SEMA4D: variants seen among roughly 807,000 people sequenced by gnomAD.
The protein encoded by SEMA4D is semaphorin-4D.
SEMA4D carries 22 observed loss-of-function variants against 74.8 expected under a neutral mutation model. The observed-to-expected ratio is 0.29, with a 90% CI of 0.21 to 0.42. SEMA4D has a LOEUF of 0.42. Ranked by LOEUF, SEMA4D falls within the 10% of genes least tolerant of loss-of-function variation. The pLI is 1.00. For synonymous variants in SEMA4D, 445 were observed against 463.7 expected (o/e 0.96, Z 0.52); for missense variants, 937 against 1,118.4 (o/e 0.84, Z 2.31).
At chr9:89,494,423 G>A (rs779041629) in intron 1 of SEMA4D, among the ~76,000 whole-genome samples, 1 of 152,170 alleles carries the variant, frequency 6.6e-6, no homozygotes, top group Admixed American at 6.5e-5. Context: ...CCACATAGGC[G>A]GCTCCATAAT....
At chr9:89,418,069 C>T (rs1846097643) in intron 2 of SEMA4D, 1 of 984,590 alleles carries the variant, frequency 1.0e-6, no homozygotes, top group African/African-American at 1.7e-5. Flanking sequence ...TATCTTATGC[C>T]TCTTGAAACT....
intron 2 of SEMA4D, among the ~76,000 whole-genome samples, chr9:89,415,032 C>T (rs1391813972): frequency 2.0e-5 from 3 of 152,208 alleles, no homozygotes; most frequent in Non-Finnish European, 2.9e-5. Flanking sequence ...TGAGGATGCA[C>T]GCAGAGTGGC....
intron 16 of SEMA4D, among the ~76,000 whole-genome samples, chr9:89,366,797 A>G (rs1249475000): frequency 6.6e-6 from 1 of 152,158 alleles, no homozygotes; most frequent in African/African-American, 2.4e-5. Context: ...CAGTGAAGTG[A>G]GTTCTATAAA....
intron 2 of SEMA4D, among the ~76,000 whole-genome samples, chr9:89,451,261 G>A (rs183803679): frequency 7.9e-5 from 12 of 151,994 alleles, no homozygotes; most frequent in African/African-American, 1.2e-4. Flanking sequence ...GTTTTTATTC[G>A]GTGTGGCCGA....
chr9:89,414,839 C>T (rs1845359343), intron 2 of SEMA4D, among the ~76,000 whole-genome samples: 1 of 152,148 alleles, frequency 6.6e-6, no homozygotes, highest in South Asian at 2.1e-4. Context: ...CCTCAAGCCA[C>T]ATCCCTGCAG....
At chr9:89,463,232 C>T (rs1046855834) in intron 1 of SEMA4D, among the ~76,000 whole-genome samples, 6 of 152,068 alleles carry the variant, frequency 3.9e-5, no homozygotes, top group Non-Finnish European at 7.4e-5. Flanking sequence ...ATCTTCCTCT[C>T]CAAACCACCT....
chr9:89,489,886 T>C (rs1825489278), intron 1 of SEMA4D, among the ~76,000 whole-genome samples: 1 of 152,258 alleles, frequency 6.6e-6, no homozygotes, highest in Non-Finnish European at 1.5e-5. Flanking sequence ...TGCTAGGTCA[T>C]ATGGTAATTC....
chr9:89,423,347 A>G (rs1847377138), intron 2 of SEMA4D, among the ~76,000 whole-genome samples: 1 of 152,008 alleles, frequency 6.6e-6, no homozygotes, highest in Non-Finnish European at 1.5e-5. Flanking sequence ...ATGTGCCACC[A>G]TGCCTGGCTA....
intron 2 of SEMA4D, among the ~76,000 whole-genome samples, chr9:89,441,539 C>G (rs1000714638): frequency 6.6e-6 from 1 of 152,240 alleles, no homozygotes; most frequent in Non-Finnish European, 1.5e-5. Flanking sequence ...GGGCCACCCC[C>G]ACATCACTGT....
At chr9:89,472,557 C>T (rs772140281) in intron 1 of SEMA4D, 4 of 243,172 alleles carry the variant, frequency 1.6e-5, no homozygotes, top group Non-Finnish European at 2.5e-5. Flanking sequence ...GCCAAATCAC[C>T]GCTAGCAAAA....
At chr9:89,399,769 A>G (rs1021627467) in intron 4 of SEMA4D, among the ~76,000 whole-genome samples, 4 of 152,098 alleles carry the variant, frequency 2.6e-5, no homozygotes, top group African/African-American at 9.7e-5. Flanking sequence ...AGGCTGAGGC[A>G]GGCGGATCAC....
intron 1 of SEMA4D, among the ~76,000 whole-genome samples, chr9:89,480,125 C>T (rs1172797626): frequency 2.6e-5 from 4 of 151,858 alleles, no homozygotes; most frequent in East Asian, 1.9e-4. Context: ...GATTGGTGCA[C>T]TCACAAACCT....
intron 2 of SEMA4D, among the ~76,000 whole-genome samples, chr9:89,429,446 C>T (rs1405684654): frequency 2.6e-5 from 4 of 152,140 alleles, no homozygotes; most frequent in South Asian, 2.1e-4. Context: ...TGGAAACTTC[C>T]GGAAGTCATA....
At chr9:89,442,659 C>T (rs1435259425) in intron 2 of SEMA4D, among the ~76,000 whole-genome samples, 1 of 152,162 alleles carries the variant, frequency 6.6e-6, no homozygotes, top group Non-Finnish European at 1.5e-5. Flanking sequence ...CAACAGCTAG[C>T]AAAGAATCAG....
chr9:89,462,980 G>A (rs1367451544), intron 1 of SEMA4D, among the ~76,000 whole-genome samples: 7 of 148,044 alleles, frequency 4.7e-5, no homozygotes, highest in Non-Finnish European at 7.5e-5. Context: ...GGAGGGGAGC[G>A]AGGGAGAAAG....
chr9:89,473,021 A>G (rs959752489), intron 1 of SEMA4D, among the ~76,000 whole-genome samples: 2 of 151,676 alleles, frequency 1.3e-5, no homozygotes, highest in African/African-American at 4.8e-5. Flanking sequence ...ACTTGAGCCC[A>G]GGAGGTTGAA....
At chr9:89,447,308 T>C (rs2135310753) in intron 2 of SEMA4D, among the ~76,000 whole-genome samples, 1 of 151,946 alleles carries the variant, frequency 6.6e-6, no homozygotes, top group East Asian at 1.9e-4. Context: ...CCTCAGATGT[T>C]TCCTCAACTC....
chr9:89,377,136 A>C, downstream of SEMA4D: 1 of 1,451,340 alleles, frequency 6.9e-7, no homozygotes, highest in South Asian at 1.5e-5. Context: ...GGCAAAACAC[A>C]GCAGGAAACG....
rs1377086521 is a variant in SEMA4D at position 89,378,769 on chromosome 9, T to C, written c.2524A>G (p.Arg842Gly). 5 of 1,614,108 alleles carry C rather than the reference T, an allele frequency of 3.1e-6. No individual in the cohort carries two copies. Among genetic ancestry groups the C allele is most frequent in the Admixed American group, 1.7e-5 (1 of 60,006 alleles). Residue 842 changes from arginine to glycine, a missense_variant, in exon 16 of 16, where the codon AGG becomes GGG. Physicochemically the swap from Arg to Gly is moderately radical, Grantham distance 125. Coordinates refer to ENST00000422704, the MANE Select transcript of SEMA4D (RefSeq NM_001371194.2). The stretch of plus-strand genomic sequence containing the variant: ...CACTTGACGTCAAAGGGCTTGTCCC[T>C]GGCAGAAAGGTCGTCGATCCTCTGT... The part of the protein sequence containing the change: ...DSQRIDDLSA[R>G]DKPFDVKCEL...
Sources: allele counts gnomAD v4.1 joint callset (sites outside exome capture counted in the v4.1 genomes callset), GRCh38; gene constraint gnomAD v4.1.1; transcripts MANE v1.5; gene names NCBI Gene and HGNC (gene_info 2026-07-23, HGNC 2026-07-21).